Variants in MACROD2 observed in about 807,000 individuals in gnomAD.
The protein encoded by MACROD2 is ADP-ribose glycohydrolase MACROD2.
A neutral mutation model predicts 70.4 loss-of-function variants in MACROD2; 36 were observed. The ratio of observed to expected loss-of-function variants is 0.51; its 90% CI spans 0.39 to 0.68. MACROD2 has a LOEUF of 0.68. MACROD2 is among the 30% of genes least tolerant of loss of function. The probability of loss-of-function intolerance (pLI) is 0.00; values close to 1 mark genes in which losing one functional copy is unlikely to be tolerated. For missense variants in MACROD2, 496 were observed against 538.4 expected (o/e 0.92, Z 0.78); for synonymous variants, 172 against 178.8 (o/e 0.96, Z 0.30).
Position 15,838,130 on chromosome 20 carries a change from TGACCTAGAATATCAAGC to T in MACROD2, c.646-24614_646-24598del, listed in dbSNP as rs1270037245. Among the ~76,000 whole-genome samples the T allele has an allele frequency of 2.0e-5, 3 of 152,194 alleles. No individual in the cohort carries two copies. In the East Asian group the frequency reaches 5.8e-4, roughly 30 times the overall value. ...TTTCTTGTCAAGATTGGGCAGCTTT[TGACCTAGAATATCAAGC>T]TTTTTTTTTACTATGGGGCTGTGGT... On this transcript the variant is annotated intron_variant, in intron 8 of 17. Coordinates refer to ENST00000684519, the MANE Select transcript of MACROD2 (RefSeq NM_001351661.2).
chr20:14,145,381 C>A (rs932282468), intron 3 of MACROD2, among the ~76,000 whole-genome samples: 1 of 152,066 alleles, frequency 6.6e-6, no homozygotes, highest in African/African-American at 2.4e-5. Context: ...GTGTATGCCC[C>A]AGCCCACAGT....
chr20:15,124,819 A>G (rs1021963759), intron 5 of MACROD2, among the ~76,000 whole-genome samples: 7 of 151,980 alleles, frequency 4.6e-5, no homozygotes, highest in Admixed American at 3.9e-4. Flanking sequence ...GGTTCCTTCT[A>G]GGAGAGAAGT....
At chr20:14,102,797 T>C (rs1440495051) in intron 3 of MACROD2, among the ~76,000 whole-genome samples, 1 of 151,854 alleles carries the variant, frequency 6.6e-6, no homozygotes, top group Non-Finnish European at 1.5e-5. Flanking sequence ...GGATATAGGA[T>C]GGGGATGGGA....
At chr20:15,844,622 A>G (rs556684204) in intron 8 of MACROD2, among the ~76,000 whole-genome samples, 2 of 152,154 alleles carry the variant, frequency 1.3e-5, no homozygotes, top group African/African-American at 4.8e-5. Context: ...TGTACTATTT[A>G]TGAAGGGTCT....
chr20:15,623,540 C>A (rs1353752327), intron 8 of MACROD2, among the ~76,000 whole-genome samples: 1 of 152,062 alleles, frequency 6.6e-6, no homozygotes, highest in Non-Finnish European at 1.5e-5. Flanking sequence ...GGCACAGATC[C>A]CCCTACATGA....
At chr20:14,302,355 T>C (rs2082482050) in intron 3 of MACROD2, among the ~76,000 whole-genome samples, 2 of 152,324 alleles carry the variant, frequency 1.3e-5, no homozygotes, top group Admixed American at 1.3e-4. Flanking sequence ...TATTAAATCC[T>C]TTTTAGGCTT....
Position 16,052,632 on chromosome 20 carries a change from T to C in MACROD2, c.*2756T>C, listed in dbSNP as rs2067473130. 1.3e-5 allele frequency: 2 copies of C among 152,646 alleles called. No individual in the cohort carries two copies. The highest frequency in any genetic ancestry group is 2.9e-5 in the Non-Finnish European group (2 of 68,044). 9.5% of individuals were successfully genotyped at this position (152,646 alleles called of 1,614,324 possible). On this transcript the variant is annotated 3_prime_UTR_variant, in exon 18 of 18. Coordinates refer to ENST00000684519, the MANE Select transcript of MACROD2 (RefSeq NM_001351661.2). ...TTCATAAAAGATTACAAAGAAGGCA[T>C]CCGAATCACTGTCTGTGATACTGGG...
intron 4 of MACROD2, among the ~76,000 whole-genome samples, chr20:14,602,309 C>G (rs1186191911): frequency 6.6e-6 from 1 of 152,200 alleles, no homozygotes; most frequent in African/African-American, 2.4e-5. Context: ...CATGCAGGCC[C>G]TTAGTCTGAG....
rs372632366 is a variant in MACROD2, at chr20:15,122,767, A to C, written c.419-107173A>C. The stretch of plus-strand genomic sequence containing the variant: ...AACTAAACAGAATTTAATGATGGGC[A>C]CTCCTTGCCTCATGAGGGGGAAAAA... On this transcript the variant is annotated intron_variant, in intron 5 of 17. Transcript: ENST00000684519. Among the ~76,000 whole-genome samples the C allele has an allele frequency of 1.5e-3, 234 of 152,090 alleles. 8 individuals are homozygous for C. The South Asian group carries it at 0.047, about 30-fold the overall frequency.
chr20:14,577,120 A>C (rs917340539), intron 4 of MACROD2, among the ~76,000 whole-genome samples: 4 of 152,212 alleles, frequency 2.6e-5, no homozygotes, highest in Admixed American at 2.0e-4. Context: ...ACATCACTTC[A>C]TCCAAAAGCA....
chr20:15,346,735 AG>A (rs1357483630), intron 6 of MACROD2, among the ~76,000 whole-genome samples: 1 of 152,204 alleles, frequency 6.6e-6, no homozygotes, highest in Non-Finnish European at 1.5e-5. Context: ...AATCCTATCA[AG>A]GTAGCTTATA....
At chr20:14,974,878 C>G (rs1350789342) in intron 5 of MACROD2, among the ~76,000 whole-genome samples, 1 of 152,022 alleles carries the variant, frequency 6.6e-6, no homozygotes, top group Non-Finnish European at 1.5e-5. Context: ...AGAACTGAGC[C>G]TGGGTTGGGT....
chr20:15,087,269 A>T (rs919521742), intron 5 of MACROD2, among the ~76,000 whole-genome samples: 1 of 152,042 alleles, frequency 6.6e-6, no homozygotes, highest in Non-Finnish European at 1.5e-5. Flanking sequence ...TTGACAAAAA[A>T]GAATGACTAA....
chr20:14,786,852 A>T (rs1326147158), intron 5 of MACROD2, among the ~76,000 whole-genome samples: 1 of 152,070 alleles, frequency 6.6e-6, no homozygotes, highest in Non-Finnish European at 1.5e-5. Flanking sequence ...CTCTCTCTGT[A>T]CCCTGAGGCC....
At chr20:15,887,834 AGTCG>A (rs1312700874) in intron 10 of MACROD2, among the ~76,000 whole-genome samples, 3 of 152,190 alleles carry the variant, frequency 2.0e-5, no homozygotes, top group Admixed American at 6.5e-5. Context: ...ATATAAAAAT[AGTCG>A]GATATTTTAC....
At chr20:14,831,438 CAGTTACT>C (rs2072964098) in intron 5 of MACROD2, among the ~76,000 whole-genome samples, 1 of 151,896 alleles carries the variant, frequency 6.6e-6, no homozygotes, top group African/African-American at 2.4e-5. Context: ...TGCCTTTTGA[CAGTTACT>C]CCCCAATCCT....
chr20:14,191,520 A>T (rs2081387843), intron 3 of MACROD2, among the ~76,000 whole-genome samples: 1 of 152,188 alleles, frequency 6.6e-6, no homozygotes, highest in African/African-American at 2.4e-5. Flanking sequence ...CAGAACCTAT[A>T]CCCTCGTGGA....
intron 8 of MACROD2, among the ~76,000 whole-genome samples, chr20:15,735,819 G>T (rs2051011552): frequency 2.6e-5 from 4 of 152,160 alleles, no homozygotes; most frequent in Admixed American, 2.6e-4. Flanking sequence ...CATGAAATGA[G>T]AAAGTCATTT....
chr20:14,821,009 A>G (rs536513934), intron 5 of MACROD2, among the ~76,000 whole-genome samples: 5 of 152,072 alleles, frequency 3.3e-5, no homozygotes, highest in African/African-American at 1.2e-4. Flanking sequence ...TTTCATTAAC[A>G]TAGGGTCTTA....
Sources: gnomAD v4.1 joint callset for allele counts (sites outside exome capture counted in the v4.1 genomes callset) on GRCh38, gnomAD v4.1.1 for gene constraint, MANE v1.5 for transcripts, NCBI Gene and HGNC (gene_info 2026-07-23, HGNC 2026-07-21) for gene names.